NCAM2: variants seen among roughly 807,000 people sequenced by gnomAD.
The protein encoded by NCAM2 is neural cell adhesion molecule 2.
In NCAM2, 30 loss-of-function variants were observed where a neutral mutation model predicts 98.1. The observed-to-expected ratio is 0.31, with a 90% CI of 0.23 to 0.41. The LOEUF (loss-of-function observed/expected upper bound fraction) is 0.41. Among genes scored for constraint, NCAM2 ranks in the 10% least tolerant of loss-of-function variants. The pLI is 1.00. For missense variants in NCAM2, 867 were observed against 1,005.8 expected, an observed-to-expected ratio of 0.86 and a Z score of 1.87; for synonymous variants, 368 against 342.4, an observed-to-expected ratio of 1.07 and a Z score of -0.83.
At chr21:21,461,459 A>G (rs1300360948) in intron 12 of NCAM2, among the ~76,000 whole-genome samples, 1 of 151,916 alleles carries the variant, frequency 6.6e-6, no homozygotes, top group Non-Finnish European at 1.5e-5. Context: ...GCAGTACAAT[A>G]AATATGTTGT....
At chr21:21,065,019 A>C (rs2065404105) in intron 1 of NCAM2, among the ~76,000 whole-genome samples, 1 of 152,046 alleles carries the variant, frequency 6.6e-6, no homozygotes, top group South Asian at 2.1e-4. Context: ...GTCTCTACTA[A>C]AAATACAAAA....
intron 1 of NCAM2, among the ~76,000 whole-genome samples, chr21:21,098,435 A>G (rs1201692441): frequency 6.6e-6 from 1 of 151,798 alleles, no homozygotes; most frequent in Non-Finnish European, 1.5e-5. Context: ...AATCACTTTT[A>G]TTATTCTTAC....
At chr21:21,164,861 GATAA>G (rs1245544554) in intron 1 of NCAM2, among the ~76,000 whole-genome samples, 8 of 152,268 alleles carry the variant, frequency 5.3e-5, no homozygotes, top group Admixed American at 2.0e-4. Flanking sequence ...ACAGTTCACA[GATAA>G]ATAAATAGAG....
intron 1 of NCAM2, among the ~76,000 whole-genome samples, chr21:21,266,158 A>G (rs2072263467): frequency 6.6e-6 from 1 of 152,168 alleles, no homozygotes; most frequent in South Asian, 2.1e-4. Context: ...TTTCAAAAAT[A>G]TGAGTAAAAT....
intron 16 of NCAM2, among the ~76,000 whole-genome samples, chr21:21,520,575 C>T (rs1988959795): frequency 6.6e-6 from 1 of 152,054 alleles, no homozygotes; most frequent in African/African-American, 2.4e-5. Flanking sequence ...AACAATACTC[C>T]CGGTTTTCAG....
At chr21:21,090,448 G>A (rs1478009992) in intron 1 of NCAM2, among the ~76,000 whole-genome samples, 1 of 151,940 alleles carries the variant, frequency 6.6e-6, no homozygotes, top group Non-Finnish European at 1.5e-5. Context: ...TTATTTTCTG[G>A]GAATAGTGAC....
intron 1 of NCAM2, among the ~76,000 whole-genome samples, chr21:21,212,051 C>T (rs1313445061): frequency 6.6e-6 from 1 of 152,176 alleles, no homozygotes; most frequent in Non-Finnish European, 1.5e-5. Context: ...CGATTTCGTG[C>T]TTGGGCATGT....
At chr21:21,351,137 A>AT (rs35033536) in intron 8 of NCAM2, among the ~76,000 whole-genome samples, 1 of 127,638 alleles carries the variant, frequency 7.8e-6, no homozygotes. Flanking sequence ...AAAAAAAAAA[A>AT]AAAAAGAAAC....
intron 15 of NCAM2, among the ~76,000 whole-genome samples, chr21:21,489,918 G>C (rs916758704): frequency 1.5e-5 from 1 of 68,190 alleles, no homozygotes; most frequent in African/African-American, 5.9e-5. Context: ...TAAATACAAA[G>C]TTGTATTATT....
At chr21:21,159,282 C>T (rs1362656876) in intron 1 of NCAM2, among the ~76,000 whole-genome samples, 5 of 151,810 alleles carry the variant, frequency 3.3e-5, no homozygotes, top group Non-Finnish European at 7.4e-5. Flanking sequence ...TTACAGTAAG[C>T]TATTATTTAA....
At chr21:21,289,762 T>C (rs114654697) in intron 4 of NCAM2, among the ~76,000 whole-genome samples, 2,153 of 152,046 alleles carry the variant, frequency 0.014, 49 homozygotes, top group African/African-American at 0.05. Context: ...CTACGGAGTT[T>C]GTAATTTATT....
intron 15 of NCAM2, among the ~76,000 whole-genome samples, chr21:21,495,899 T>C (rs975451212): frequency 3.3e-5 from 5 of 151,602 alleles, no homozygotes; most frequent in Admixed American, 6.6e-5. Context: ...ATTATTTTTT[T>C]TGCCAAGAGG....
chr21:21,263,500 T>G (rs112620101), intron 1 of NCAM2, among the ~76,000 whole-genome samples: 4 of 151,880 alleles, frequency 2.6e-5, no homozygotes, highest in African/African-American at 7.3e-5. Context: ...TTCAAAAAAT[T>G]TTTTAAAAAT....
At chr21:21,422,984 T>C (rs1020963335) in intron 11 of NCAM2, among the ~76,000 whole-genome samples, 5 of 152,178 alleles carry the variant, frequency 3.3e-5, no homozygotes, top group African/African-American at 1.2e-4. Context: ...ATATTTATTA[T>C]TTCTTTTCTT....
chr21:21,178,196 C>A (rs1442190924), intron 1 of NCAM2, among the ~76,000 whole-genome samples: 1 of 152,018 alleles, frequency 6.6e-6, no homozygotes, highest in Non-Finnish European at 1.5e-5. Context: ...TAAATCAAAG[C>A]AACTAATCTG....
At chr21:21,303,855 C>A (rs913509461) in intron 5 of NCAM2, among the ~76,000 whole-genome samples, 1 of 152,122 alleles carries the variant, frequency 6.6e-6, no homozygotes, top group African/African-American at 2.4e-5. Flanking sequence ...ATTTAATTTG[C>A]ATTTCCCTAA....
chr21:21,052,242 C>A (rs1334585739), intron 1 of NCAM2, among the ~76,000 whole-genome samples: 1 of 147,846 alleles, frequency 6.8e-6, no homozygotes, highest in East Asian at 2.0e-4. Context: ...CGGCCCACTG[C>A]AAGCTCCGCC....
At chr21:21,080,982 C>G (rs962064480) in intron 1 of NCAM2, among the ~76,000 whole-genome samples, 3 of 152,074 alleles carry the variant, frequency 2.0e-5, no homozygotes, top group African/African-American at 7.2e-5. Context: ...AAGCAGGCGA[C>G]TTGAGAGATC....
intron 8 of NCAM2, among the ~76,000 whole-genome samples, chr21:21,373,131 G>T (rs2075957222): frequency 6.6e-6 from 1 of 151,602 alleles, no homozygotes; most frequent in Non-Finnish European, 1.5e-5. Flanking sequence ...AACATAATTT[G>T]CTTTCTAAAA....
Sources: allele counts gnomAD v4.1 joint callset (sites outside exome capture counted in the v4.1 genomes callset), GRCh38; gene constraint gnomAD v4.1.1; transcripts MANE v1.5; gene names NCBI Gene and HGNC (gene_info 2026-07-23, HGNC 2026-07-21).